Variants in BNIP3L observed in about 807,000 individuals in gnomAD.
The protein encoded by BNIP3L is BCL2/adenovirus E1B 19 kDa protein-interacting protein 3-like.
In BNIP3L, 10 loss-of-function variants were observed where a neutral mutation model predicts 25.5. The ratio of observed to expected loss-of-function variants is 0.39; its 90% CI spans 0.24 to 0.67. The LOEUF is 0.67. Among genes scored for constraint, BNIP3L ranks in the 30% least tolerant of loss-of-function variants. The pLI is 0.45. For synonymous variants in BNIP3L, 113 were observed against 101.2 expected (o/e 1.12, Z -0.70); for missense variants, 215 against 270.9 (o/e 0.79, Z 1.45).
chr8:26,409,052 T>C (rs1432365801), intron 5 of BNIP3L, among the ~76,000 whole-genome samples: 1 of 152,182 alleles, frequency 6.6e-6, no homozygotes, highest in Non-Finnish European at 1.5e-5. Flanking sequence ...AAATACCTTT[T>C]TTTCATATGG....
At chr8:26,385,525 T>A (rs575886312) in intron 1 of BNIP3L, among the ~76,000 whole-genome samples, 2 of 147,842 alleles carry the variant, frequency 1.4e-5, no homozygotes, top group African/African-American at 5.0e-5. Context: ...ATCGCTTGAA[T>A]CCGGGAGGCA....
chr8:26,401,574 C>T (rs12541050), intron 3 of BNIP3L, among the ~76,000 whole-genome samples: 2,666 of 61,226 alleles, frequency 0.044, 77 homozygotes, highest in African/African-American at 0.14. Flanking sequence ...AAAAAAAAAA[C>T]AAAAAAAAAA....
At chr8:26,383,877 T>G (rs1031554419) in intron 1 of BNIP3L, among the ~76,000 whole-genome samples, 8 of 145,562 alleles carry the variant, frequency 5.5e-5, no homozygotes, top group African/African-American at 2.0e-4. Context: ...TTTATTAGAT[T>G]TCTCGAAGTT....
chr8:26,401,455 T>C (rs1343007742), intron 3 of BNIP3L, among the ~76,000 whole-genome samples: 2 of 151,094 alleles, frequency 1.3e-5, no homozygotes, highest in East Asian at 1.9e-4. Context: ...TTGGGAGATA[T>C]ACCTAATGCT....
At chr8:26,401,452 A>G (rs1200041792) in intron 3 of BNIP3L, among the ~76,000 whole-genome samples, 1 of 151,682 alleles carries the variant, frequency 6.6e-6, no homozygotes, top group South Asian at 2.1e-4. Flanking sequence ...GCATTGGGAG[A>G]TATACCTAAT....
chr8:26,392,889 A>T (rs1346611042), intron 2 of BNIP3L, among the ~76,000 whole-genome samples: 1 of 90,134 alleles, frequency 1.1e-5, no homozygotes, highest in African/African-American at 2.9e-5. Flanking sequence ...TGAGCAGAGA[A>T]CAGTCACCTG....
In BNIP3L at chr8:26,408,385, C is replaced by CG; in HGVS notation, c.611+11dup. 6.2e-7 allele frequency: 1 copy of CG among 1,602,790 alleles called. No homozygotes were observed. Among genetic ancestry groups the CG allele is most frequent in the Non-Finnish European group, 8.5e-7 (1 of 1,174,920 alleles). Reference sequence around the variant, plus strand: ...TTGGCTTTGGGGCTAGGGTAAGTACCGGTCAACTCCTGAAGTTTTTTCCAT... The same window carrying CG: ...TTGGCTTTGGGGCTAGGGTAAGTACCGGGTCAACTCCTGAAGTTTTTTCCAT... On this transcript the variant is annotated intron_variant, in intron 5 of 5. Transcript: ENST00000380629.
chr8:26,383,283 C>T (rs978739547), intron 1 of BNIP3L, 53 bp downstream of exon 1: 8 of 1,562,144 alleles, frequency 5.1e-6, no homozygotes, highest in East Asian at 4.7e-5. Context: ...GGAGCAGCCC[C>T]GGCCGCCGCC....
At position 26,383,123 on chromosome 8, in the gene BNIP3L, G is replaced by A. The variant is rs750969598; in HGVS notation, c.-8G>A. On this transcript the variant is annotated 5_prime_UTR_variant, in exon 1 of 6. Coordinates refer to ENST00000380629, the MANE Select transcript of BNIP3L (RefSeq NM_004331.3). ...TGCTGCTGCCGCAGTCCTGCCAGCT[G>A]TCCGACAATGTCGTCCCACCTAGTC... is the stretch of plus-strand genomic sequence containing the variant. 1.2e-6 allele frequency: 2 copies of A among 1,605,462 alleles called. No homozygotes were observed. The highest frequency in any genetic ancestry group is 1.1e-5 in the South Asian group (1 of 90,262).
rs1467523171 is a variant in BNIP3L at position 26,412,767 on chromosome 8, A to G, written c.*2355A>G. 2.0e-5 allele frequency: 3 copies of G among 152,758 alleles called. No individual in the cohort carries two copies. The highest frequency in any genetic ancestry group is 7.2e-5 in the African/African-American group (3 of 41,580). The allele number at this position is 152,758 out of a possible 1,614,324, so 9.5% of individuals were successfully genotyped here. On this transcript the variant is annotated 3_prime_UTR_variant, in exon 6 of 6. Transcript: ENST00000380629. Reference sequence around the variant, plus strand: ...TGTTTAAAAAGCTTTACACCTGTTTACAATTTGGGGACAAAAAGGCAGGCT... The same window carrying G: ...TGTTTAAAAAGCTTTACACCTGTTTGCAATTTGGGGACAAAAAGGCAGGCT...
Position 26,391,366 on chromosome 8 carries a change from T to C in BNIP3L, c.224T>C (p.Leu75Pro). Residue 75 changes from leucine to proline, a missense_variant, in exon 2 of 6, where the codon CTT becomes CCT. By Grantham distance (98) the Leu-to-Pro change is moderately conservative. Around this residue, in one of 4 missense-constraint regions of BNIP3L, gnomAD observed 36 missense variants for 75.2 expected, o/e 0.48. Transcript: ENST00000380629. ...SIHNGDMEKI[L>P]LDAQHESGQS... ...CACAATGGAGACATGGAGAAGATTCTTTTGGATGCACAACATGAATCAGGA... is the reference window on the plus strand; with the variant it reads ...CACAATGGAGACATGGAGAAGATTCCTTTGGATGCACAACATGAATCAGGA... 10 of 1,609,906 alleles carry C rather than the reference T, an allele frequency of 6.2e-6. No homozygotes were observed. The highest frequency in any genetic ancestry group is 8.5e-6 in the Non-Finnish European group (10 of 1,178,318).
chr8:26,386,615 T>A (rs914408855), intron 1 of BNIP3L, among the ~76,000 whole-genome samples: 1 of 152,180 alleles, frequency 6.6e-6, no homozygotes, highest in African/African-American at 2.4e-5. Context: ...TTTTATTTCT[T>A]GTAGAGTTCG....
intron 1 of BNIP3L, among the ~76,000 whole-genome samples, chr8:26,387,935 A>C (rs1469878285): frequency 6.6e-6 from 1 of 152,244 alleles, no homozygotes; most frequent in East Asian, 1.9e-4. Context: ...ATGAGATGCA[A>C]TGCAGTTGTT....
intron 5 of BNIP3L, among the ~76,000 whole-genome samples, chr8:26,409,048 CT>C (rs906593257): frequency 2.7e-5 from 4 of 150,850 alleles, no homozygotes; most frequent in African/African-American, 9.8e-5. Context: ...GTGCAAATAC[CT>C]TTTTTTCATA....
At chr8:26,404,825 G>A (rs184291458) in intron 3 of BNIP3L, among the ~76,000 whole-genome samples, 12 of 152,290 alleles carry the variant, frequency 7.9e-5, no homozygotes, top group African/African-American at 2.9e-4. Flanking sequence ...TCTTTGAATA[G>A]ATGTAGGTAT....
chr8:26,384,973 C>A (rs956575291), intron 1 of BNIP3L, among the ~76,000 whole-genome samples: 2 of 151,922 alleles, frequency 1.3e-5, no homozygotes, highest in African/African-American at 4.8e-5. Flanking sequence ...GGTTGTTGGT[C>A]TCTCACCATG....
chr8:26,391,835 A>G (rs910262507), intron 2 of BNIP3L, among the ~76,000 whole-genome samples: 3 of 152,178 alleles, frequency 2.0e-5, no homozygotes, highest in African/African-American at 7.2e-5. Flanking sequence ...GACGTTGCAA[A>G]GGGCAGGGGC....
At chr8:26,399,028 A>G (rs1173053292) in intron 3 of BNIP3L, among the ~76,000 whole-genome samples, 2 of 151,570 alleles carry the variant, frequency 1.3e-5, no homozygotes, top group African/African-American at 2.4e-5. Context: ...AACTATTCCA[A>G]TCAATAGAAA....
intron 2 of BNIP3L, 92 bp from the exon 3 acceptor site, chr8:26,395,138 G>T: frequency 7.4e-7 from 1 of 1,346,066 alleles, no homozygotes; most frequent in Non-Finnish European, 1.0e-6. Flanking sequence ...AAGCCATACT[G>T]CTGTAACTTT....
Sources: gnomAD v4.1 joint callset for allele counts (sites outside exome capture counted in the v4.1 genomes callset) on GRCh38, gnomAD v4.1.1 for gene constraint, gnomAD v4.1.1 regional missense constraint, MANE v1.5 for transcripts, NCBI Gene and HGNC (gene_info 2026-07-23, HGNC 2026-07-21) for gene names.